Variants in EYS observed in about 807,000 individuals in gnomAD.
EYS encodes EGF-like photoreceptor maintenance factor, also known as protein eyes shut homolog.
In EYS, 250 loss-of-function variants were observed where a neutral mutation model predicts 282.1. The observed-to-expected ratio is 0.89, with a 90% CI of 0.80 to 0.98. EYS has a LOEUF of 0.98. EYS is among the 50% of genes least tolerant of loss of function. The probability of loss-of-function intolerance (pLI) is 0.00; values close to 1 mark genes in which losing one functional copy is unlikely to be tolerated. For missense variants in EYS, 4,016 were observed against 3,709.0 expected, an observed-to-expected ratio of 1.08 and a Z score of -2.15; for synonymous variants, 1,355 against 1,282.9, an observed-to-expected ratio of 1.06 and a Z score of -1.20.
Position 63,721,619 on chromosome 6 carries a change from T to TA in EYS, c.8411dup (p.Thr2805AsnfsTer7), listed in dbSNP as rs763028732. 26 of 1,551,344 alleles carry TA rather than the reference T, an allele frequency of 1.7e-5. No individual in the cohort carries two copies. The highest frequency in any genetic ancestry group is 1.4e-5 in the African/African-American group (1 of 73,044). On this transcript the variant is annotated frameshift_variant, in exon 43 of 43. Transcript: ENST00000503581. LOFTEE classifies it low-confidence loss of function (END_TRUNC). ...TCATTTTAGTGGAGGCCTTTTCTGT[T>TA]ACATTTATCCCATCTAGATCCAGGT... is the stretch of plus-strand genomic sequence containing the variant.
chr6:64,090,550 T>C (rs1772320768), intron 31 of EYS, among the ~76,000 whole-genome samples: 1 of 152,272 alleles, frequency 6.6e-6, no homozygotes, highest in Non-Finnish European at 1.5e-5. Flanking sequence ...ACTCACCATG[T>C]GACAGCTGTG....
intron 5 of EYS, chr6:65,490,322 C>T (rs181594934): frequency 2.4e-4 from 63 of 262,816 alleles, no homozygotes; most frequent in African/African-American, 1.2e-3. Flanking sequence ...GTCATAAATG[C>T]AAGTCTGAAG....
intron 19 of EYS, among the ~76,000 whole-genome samples, chr6:64,851,322 T>C (rs1165621367): frequency 6.6e-6 from 1 of 151,992 alleles, no homozygotes; most frequent in African/African-American, 2.4e-5. Flanking sequence ...TCGTGATTTT[T>C]TTTAAAAAAA....
At chr6:65,024,351 T>C (rs1772334018) in intron 13 of EYS, among the ~76,000 whole-genome samples, 1 of 152,188 alleles carries the variant, frequency 6.6e-6, no homozygotes, top group Non-Finnish European at 1.5e-5. Flanking sequence ...AACCAAGTCA[T>C]TGTATCCTCA....
chr6:64,342,805 A>T (rs1561940791), intron 29 of EYS, among the ~76,000 whole-genome samples: 2 of 152,176 alleles, frequency 1.3e-5, no homozygotes, highest in African/African-American at 4.8e-5. Context: ...TGTATTCAGG[A>T]AACCCATCTC....
At chr6:63,977,328 T>A (rs1212295099) in intron 35 of EYS, among the ~76,000 whole-genome samples, 1 of 151,954 alleles carries the variant, frequency 6.6e-6, no homozygotes, top group Non-Finnish European at 1.5e-5. Flanking sequence ...TTAGCTGTTT[T>A]GAAACATGCA....
At chr6:65,120,693 C>G (rs187629068) in intron 12 of EYS, among the ~76,000 whole-genome samples, 2 of 152,198 alleles carry the variant, frequency 1.3e-5, no homozygotes. Context: ...CCAATATCAT[C>G]CTCTCTTTCT....
At chr6:64,762,958 T>C (rs1773209055) in intron 22 of EYS, among the ~76,000 whole-genome samples, 1 of 152,222 alleles carries the variant, frequency 6.6e-6, no homozygotes, top group East Asian at 1.9e-4. Context: ...ATACATTCCC[T>C]GTGCAAGTAT....
rs568359269 is a variant in EYS, at chr6:64,025,425, G to A, written c.6726-26242C>T. 1.3e-4 allele frequency among the ~76,000 whole-genome samples: 20 copies of A among 152,230 alleles called. No individual in the cohort carries two copies. The South Asian group carries it at 4.2e-3, about 32-fold the overall frequency. The stretch of plus-strand genomic sequence containing the variant: ...CTCACCCATCTATCCTATCTATCCT[G>A]ACCCTTGCCCCTTGGGTCCTAATGC... On this transcript the variant is annotated intron_variant, in intron 33 of 42. Transcript: ENST00000503581.
chr6:63,984,328 T>G (rs1767249054), intron 35 of EYS, 55 bp downstream of exon 35: 5 of 1,282,470 alleles, frequency 3.9e-6, no homozygotes, highest in Non-Finnish European at 5.5e-6. Flanking sequence ...CTTTTGTTGT[T>G]TTAAGAATTT....
At chr6:65,253,300 C>A (rs891792381) in intron 12 of EYS, among the ~76,000 whole-genome samples, 11 of 151,892 alleles carry the variant, frequency 7.2e-5, no homozygotes, top group Admixed American at 2.0e-4. Context: ...AAATAATTTT[C>A]TTATTCTTCT....
intron 12 of EYS, among the ~76,000 whole-genome samples, chr6:65,234,319 C>T (rs1017936850): frequency 1.3e-5 from 2 of 152,144 alleles, no homozygotes; most frequent in African/African-American, 2.4e-5. Context: ...GTTATTATTT[C>T]CTGGTCTTTC....
At chr6:64,265,611 T>C (rs567840123) in intron 30 of EYS, among the ~76,000 whole-genome samples, 60 of 152,252 alleles carry the variant, frequency 3.9e-4, no homozygotes, top group African/African-American at 1.3e-3. Flanking sequence ...AAAAGTAAAA[T>C]TGACCAAAGA....
At position 63,720,990 on chromosome 6, in the gene EYS, T is replaced by C; in HGVS notation, c.9041A>G (p.His3014Arg). Residue 3014 changes from histidine to arginine, a missense_variant, in exon 43 of 43, where the codon CAT becomes CGT. Physicochemically the swap from His to Arg is conservative, Grantham distance 29 (BLOSUM62 0). Coordinates refer to ENST00000503581, the MANE Select transcript of EYS (RefSeq NM_001142800.2). ...AACTGCTATTTTCAAGGTCTGATTA[T>C]GGAGACCAATTGCCAGAAAATCATT... ...EENDFLAIGLHNQTLKIAVNL... is the reference protein window; with the variant it reads ...EENDFLAIGLRNQTLKIAVNL... The C allele has an allele frequency of 2.6e-6, 4 of 1,551,382 alleles. No homozygotes were observed. The highest frequency in any genetic ancestry group is 2.4e-5 in the South Asian group (2 of 84,056).
intron 30 of EYS, among the ~76,000 whole-genome samples, chr6:64,289,547 G>A (rs1262153976): frequency 6.6e-6 from 1 of 152,066 alleles, no homozygotes; most frequent in African/African-American, 2.4e-5. Flanking sequence ...ACCAGGTATA[G>A]TGGTACAGTT....
Position 64,081,864 on chromosome 6 carries a change from A to G in EYS, c.6563T>C (p.Ile2188Thr), listed in dbSNP as rs1562190751. ...AAACATTTAATACTCACTGTAAAGA[A>G]TAGTTCCATTTAAACTGTTTGTTTT... ...TIKTNSLNGT[I>T]LYSNGNNCGK... Residue 2188 changes from isoleucine to threonine, a missense_variant, in exon 32 of 43, where the codon ATT becomes ACT. Physicochemically the swap from Ile to Thr is moderately conservative, Grantham distance 89 (BLOSUM62 -1). Coordinates refer to ENST00000503581, the MANE Select transcript of EYS (RefSeq NM_001142800.2). The G allele has an allele frequency of 1.2e-5, 18 of 1,529,108 alleles. No individual in the cohort carries two copies. The East Asian group carries it at 4.4e-4, about 38-fold the overall frequency. The allele number at this position is 1,529,108 out of a possible 1,614,324, so 94.7% of individuals were successfully genotyped here.
chr6:64,158,539 C>T (rs997857031), intron 31 of EYS, among the ~76,000 whole-genome samples: 4 of 152,148 alleles, frequency 2.6e-5, no homozygotes, highest in African/African-American at 9.7e-5. Flanking sequence ...CTTTTCCCTT[C>T]TCACTCTCTC....
intron 12 of EYS, among the ~76,000 whole-genome samples, chr6:65,204,479 C>T (rs1392478206): frequency 1.3e-5 from 2 of 150,420 alleles, no homozygotes; most frequent in Non-Finnish European, 3.0e-5. Context: ...TAAAGTCTTT[C>T]CCAGTGAGGA....
intron 30 of EYS, among the ~76,000 whole-genome samples, chr6:64,250,089 GA>G (rs1344679866): frequency 2.0e-5 from 3 of 152,156 alleles, no homozygotes; most frequent in African/African-American, 7.2e-5. Flanking sequence ...TTCATGCTGA[GA>G]AAAAATTCAG....
Sources: gnomAD v4.1 joint callset for allele counts (sites outside exome capture counted in the v4.1 genomes callset) on GRCh38, gnomAD v4.1.1 for gene constraint, MANE v1.5 for transcripts, NCBI Gene and HGNC (gene_info 2026-07-23, HGNC 2026-07-21) for gene names.